The following TPR variants were observed in gnomAD, a reference collection of about 807,000 sequenced individuals.
The protein encoded by TPR is translocated promoter region, nuclear basket protein.
Under a neutral mutation model 316.1 loss-of-function variants are expected in TPR, and 51 were observed. The observed-to-expected ratio is 0.16, with a 90% CI of 0.13 to 0.20. The LOEUF is 0.20. TPR is among the 10% of genes least tolerant of loss of function. The pLI, the probability that TPR is intolerant of heterozygous loss-of-function variation, is 1.00. For synonymous variants in TPR, 981 were observed against 914.7 expected (o/e 1.07, Z -1.31); for missense variants, 2,272 against 2,754.8 (o/e 0.82, Z 3.92).
chr1:186,331,612 T>C, intron 38 of TPR, 31 bp from the exon 39 acceptor site: 2 of 1,484,590 alleles, frequency 1.3e-6, no homozygotes, highest in Non-Finnish European at 1.8e-6. Context: ...ATATTAACCA[T>C]ATCAGTGTAG....
intron 41 of TPR, 111 bp downstream of exon 41, chr1:186,325,993 A>C: frequency 6.4e-7 from 1 of 1,561,850 alleles, no homozygotes; most frequent in South Asian, 1.2e-5. Context: ...AATGAACAAA[A>C]CAACCAAAGG....
chr1:186,343,537 G>T, intron 26 of TPR, 64 bp from the exon 27 acceptor site: 1 of 1,480,216 alleles, frequency 6.8e-7, no homozygotes, highest in Non-Finnish European at 9.2e-7. Flanking sequence ...CAAAACGTAG[G>T]TAATTTGGTA....
chr1:186,360,390 A>G (rs1659149756), intron 10 of TPR, 26 bp from the exon 11 acceptor site: 2 of 1,606,160 alleles, frequency 1.2e-6, no homozygotes, highest in Non-Finnish European at 1.7e-6. Flanking sequence ...CACATCTAGT[A>G]TAATTTGTAA....
At chr1:186,342,854 T>C (rs1206520117) in intron 27 of TPR, 1 of 152,278 alleles carries the variant, frequency 6.6e-6, no homozygotes, top group Non-Finnish European at 1.5e-5. Context: ...TTTTTACTAC[T>C]TTTTGCTCCT....
intron 39 of TPR, among the ~76,000 whole-genome samples, chr1:186,329,705 T>C (rs1188899240): frequency 6.6e-6 from 1 of 152,080 alleles, no homozygotes; most frequent in Non-Finnish European, 1.5e-5. Context: ...CATCTGAAGA[T>C]TTAGTTTAGT....
chr1:186,320,020 C>T lies in TPR; in HGVS notation c.6568+292G>A, dbSNP rs141053954. Among the ~76,000 whole-genome samples the T allele has an allele frequency of 3.0e-3, 456 of 152,162 alleles. 1 individual carries two copies. The highest frequency in any genetic ancestry group is 4.7e-3 in the Non-Finnish European group (317 of 67,988). On this transcript the variant is annotated intron_variant, in intron 46 of 50. Transcript: ENST00000367478. ...CTAGTAGTACCTATATTTATTGGTT[C>T]AACACATATTCCTGAATACTTAAAC...
intron 3 of TPR, among the ~76,000 whole-genome samples, chr1:186,368,200 A>G (rs1209129298): frequency 4.6e-5 from 7 of 152,308 alleles, no homozygotes; most frequent in Non-Finnish European, 7.4e-5. Context: ...AATTTTTCTC[A>G]TATCTCTTTT....
chr1:186,327,135 TTATA>T (rs1260789676), intron 40 of TPR, among the ~76,000 whole-genome samples: 3 of 6,078 alleles, frequency 4.9e-4, no homozygotes, highest in African/African-American at 1.9e-3. Context: ...AACATATATA[TTATA>T]TATATAAATA....
chr1:186,323,924 T>C, intron 42 of TPR, 54 bp from the exon 43 acceptor site: 1 of 1,488,916 alleles, frequency 6.7e-7, no homozygotes, highest in Non-Finnish European at 8.9e-7. Flanking sequence ...ACAAAAAAAC[T>C]TGGACAATCC....
chr1:186,350,646 G>T (rs1270500031), intron 20 of TPR, among the ~76,000 whole-genome samples: 1 of 152,106 alleles, frequency 6.6e-6, no homozygotes, highest in Admixed American at 6.5e-5. Flanking sequence ...CAGGAAAGAG[G>T]AAATGAGGCA....
intron 42 of TPR, chr1:186,325,465 T>A: frequency 4.6e-6 from 1 of 216,802 alleles, no homozygotes; most frequent in Non-Finnish European, 9.1e-6. Context: ...CTGTTACAAG[T>A]AGTCCCTAAT....
At chr1:186,336,381 C>T (rs1658341542) in intron 33 of TPR, 115 bp downstream of exon 33, 2 of 943,072 alleles carry the variant, frequency 2.1e-6, no homozygotes, top group Non-Finnish European at 3.3e-6. Flanking sequence ...AGCACACATA[C>T]ACACACAAAC....
At chr1:186,315,237 A>AC (rs1657572320) in intron 49 of TPR, among the ~76,000 whole-genome samples, 4 of 151,994 alleles carry the variant, frequency 2.6e-5, no homozygotes, top group Admixed American at 6.5e-5. Flanking sequence ...AACAAAAAAA[A>AC]AACACCAAAA....
chr1:186,335,110 T>A lies in TPR; in HGVS notation c.4931A>T (p.Gln1644Leu). The A allele has an allele frequency of 6.2e-7, 1 of 1,612,946 alleles. No homozygotes were observed. Among genetic ancestry groups the A allele is most frequent in the Non-Finnish European group, 8.5e-7 (1 of 1,179,410 alleles). The change falls in exon 35 of 51, where the codon CAG becomes CTG. Residue 1644 changes from glutamine to leucine, a missense_variant. Gln to Leu is a moderately radical substitution (Grantham distance 113). This residue lies in a region of TPR where 109 missense variants were observed against 215.3 expected (regional missense o/e 0.51). Transcript: ENST00000367478. ...AGCTGGAGTTGTTTTCAATGTGATC[T>A]GTCTCTGCTGTTCAGGGACCTATAA... ...PSNKVPEQQRQITLKTTPASG... is the reference protein window; with the variant it reads ...PSNKVPEQQRLITLKTTPASG...
At chr1:186,370,913 G>C in intron 3 of TPR, 57 bp downstream of exon 3, 1 of 1,429,178 alleles carries the variant, frequency 7.0e-7, no homozygotes, top group Admixed American at 1.7e-5. Context: ...AATCAGAATA[G>C]AATGTCCCTT....
intron 22 of TPR, 52 bp downstream of exon 22, chr1:186,347,240 C>T: frequency 1.3e-6 from 2 of 1,589,930 alleles, no homozygotes; most frequent in Non-Finnish European, 1.7e-6. Context: ...TTACTAAAAA[C>T]AAAGTTAACA....
intron 32 of TPR, 53 bp from the exon 33 acceptor site, chr1:186,336,747 CTGTATG>C: frequency 1.3e-6 from 2 of 1,545,660 alleles, no homozygotes; most frequent in Non-Finnish European, 1.8e-6. Context: ...TCAATATAAA[CTGTATG>C]TGGTAGCAAC....
intron 14 of TPR, 111 bp downstream of exon 14, chr1:186,357,286 G>A: frequency 9.8e-7 from 1 of 1,017,230 alleles, no homozygotes; most frequent in South Asian, 1.6e-5. Context: ...GGGCTCAAAT[G>A]ATACCCCATT....
At position 186,313,074 on chromosome 1, in the gene TPR, T is replaced by C. The variant is rs544807583; in HGVS notation, c.*897A>G. 1.1e-3 allele frequency: 688 copies of C among 643,020 alleles called. 3 individuals are homozygous for C. Among genetic ancestry groups the C allele is most frequent in the Non-Finnish European group, 1.6e-3 (602 of 371,972 alleles). 39.8% of individuals were successfully genotyped at this position (643,020 alleles called of 1,614,324 possible). A position where few individuals can be genotyped will look rare whatever the true frequency, so the allele number is the denominator to read the frequency against. On this transcript the variant is annotated 3_prime_UTR_variant, in exon 51 of 51. Coordinates refer to ENST00000367478, the MANE Select transcript of TPR (RefSeq NM_003292.3). Reference sequence around the variant, plus strand: ...TTAATTTCAATTAAAATGATGGCACTGCAATTCAATTCTGCTCTAACCTTC... The same window carrying C: ...TTAATTTCAATTAAAATGATGGCACCGCAATTCAATTCTGCTCTAACCTTC...
Sources: allele counts gnomAD v4.1 joint callset (sites outside exome capture counted in the v4.1 genomes callset), GRCh38; gene constraint gnomAD v4.1.1; regional missense constraint gnomAD v4.1.1; transcripts MANE v1.5; gene names NCBI Gene and HGNC (gene_info 2026-07-23, HGNC 2026-07-21).